Variants in CHD2 observed in about 807,000 individuals in gnomAD.
CHD2 encodes the protein chromodomain helicase DNA binding protein 2.
Under a neutral mutation model 243.9 loss-of-function variants are expected in CHD2, and 28 were observed. That is an observed-to-expected ratio of 0.11 (90% CI 0.09 to 0.16). The LOEUF is 0.16. Among genes scored for constraint, CHD2 ranks in the 10% least tolerant of loss-of-function variants. The pLI is 1.00. For missense variants in CHD2, 1,386 were observed against 2,209.8 expected (o/e 0.63, Z 7.47); for synonymous variants, 775 against 779.0 (o/e 0.99, Z 0.09).
intron 25 of CHD2, 29 bp downstream of exon 25, chr15:92,984,529 T>C: frequency 4.5e-6 from 7 of 1,559,568 alleles, no homozygotes; most frequent in South Asian, 1.2e-5. Flanking sequence ...AGATATGAAA[T>C]TATTTCTTAT....
intron 6 of CHD2, among the ~76,000 whole-genome samples, chr15:92,938,840 C>T (rs962156918): frequency 6.6e-6 from 1 of 152,190 alleles, no homozygotes; most frequent in Non-Finnish European, 1.5e-5. Flanking sequence ...TCCTGGCCAT[C>T]TCCCTGGTCT....
chr15:92,941,660 G>GA (rs200999574), intron 7 of CHD2, among the ~76,000 whole-genome samples, 162 bp from the exon 8 acceptor site: 1 of 151,754 alleles, frequency 6.6e-6, no homozygotes, highest in Non-Finnish European at 1.5e-5. Flanking sequence ...AGCACTTTAG[G>GA]AAAAAAAAGT....
At chr15:92,940,138 T>C (rs1367566850) in intron 7 of CHD2, among the ~76,000 whole-genome samples, 1 of 152,214 alleles carries the variant, frequency 6.6e-6, no homozygotes, top group African/African-American at 2.4e-5. Context: ...TAATAGGATA[T>C]GAAGCATTAA....
intron 16 of CHD2, among the ~76,000 whole-genome samples, chr15:92,960,148 T>C (rs2053666475): frequency 6.6e-6 from 1 of 152,204 alleles, no homozygotes; most frequent in Non-Finnish European, 1.5e-5. Flanking sequence ...TATAACCTAT[T>C]ATAGAACTAC....
intron 2 of CHD2, among the ~76,000 whole-genome samples, chr15:92,910,400 T>C (rs1023343357): frequency 1.3e-5 from 2 of 152,154 alleles, no homozygotes; most frequent in Non-Finnish European, 2.9e-5. Flanking sequence ...GCTGATCTTA[T>C]TTATTTTTTT....
chr15:92,966,066 CTTT>C (rs533059554), intron 16 of CHD2, among the ~76,000 whole-genome samples: 2 of 132,910 alleles, frequency 1.5e-5, no homozygotes, highest in Non-Finnish European at 1.6e-5. Context: ...TTTTTCTTTT[CTTT>C]TTTTTTTTTT....
intron 38 of CHD2, 90 bp downstream of exon 38, chr15:93,020,348 T>C (rs2054518765): frequency 1.3e-6 from 2 of 1,489,580 alleles, no homozygotes; most frequent in Non-Finnish European, 1.9e-6. Context: ...TGTATTTATC[T>C]ATCAAATTAC....
chr15:92,972,114 A>G (rs2053849235), intron 18 of CHD2, 151 bp from the exon 19 acceptor site: 5 of 1,018,942 alleles, frequency 4.9e-6, no homozygotes, highest in Non-Finnish European at 7.1e-6. Flanking sequence ...AGATACTGGG[A>G]AAAAGAACAT....
chr15:92,914,454 AGTT>A (rs748840049), intron 2 of CHD2, among the ~76,000 whole-genome samples: 7 of 152,332 alleles, frequency 4.6e-5, no homozygotes, highest in Non-Finnish European at 8.8e-5. Flanking sequence ...GGGTGCTAAT[AGTT>A]TGGTGCTATG....
chr15:92,949,727 T>C (rs2141804171), intron 13 of CHD2, among the ~76,000 whole-genome samples: 1 of 152,344 alleles, frequency 6.6e-6, no homozygotes, highest in Admixed American at 6.5e-5. Context: ...AATTACTAAG[T>C]GCTAGGTGTT....
chr15:92,973,140 G>A (rs2053864444), intron 19 of CHD2, among the ~76,000 whole-genome samples: 1 of 152,184 alleles, frequency 6.6e-6, no homozygotes, highest in African/African-American at 2.4e-5. Context: ...GACCCTGGCT[G>A]TGAGGCTGGG....
intron 28 of CHD2, among the ~76,000 whole-genome samples, chr15:92,993,440 C>T (rs1170073727): frequency 2.6e-5 from 4 of 152,232 alleles, no homozygotes; most frequent in Non-Finnish European, 4.4e-5. Context: ...GGATGAGTAT[C>T]GTAAACATTT....
Position 92,944,535 on chromosome 15 carries a change from C to T in CHD2, c.1153+20C>T, listed in dbSNP as rs749813610. ...TAATAGGTAAGTACATGGTAACTCA[C>T]TTCAGCCATATTTGAACTTGAGGAA... On this transcript the variant is annotated intron_variant, in intron 10 of 38. Coordinates refer to ENST00000394196, the MANE Select transcript of CHD2 (RefSeq NM_001271.4). The T allele has an allele frequency of 2.4e-6, 3 of 1,268,166 alleles. No homozygotes were observed. Among genetic ancestry groups the T allele is most frequent in the East Asian group, 2.4e-5 (1 of 41,872 alleles). 78.6% of individuals were successfully genotyped at this position (1,268,166 alleles called of 1,614,324 possible).
intron 21 of CHD2, among the ~76,000 whole-genome samples, 154 bp from the exon 22 acceptor site, chr15:92,978,981 G>C (rs554904761): frequency 1.3e-5 from 2 of 152,194 alleles, no homozygotes; most frequent in East Asian, 3.9e-4. Flanking sequence ...TACTTAAGCT[G>C]CCTGCTTGGA....
At chr15:93,003,170 A>G (rs1293603406) in intron 33 of CHD2, among the ~76,000 whole-genome samples, 4 of 152,030 alleles carry the variant, frequency 2.6e-5, no homozygotes, top group Non-Finnish European at 2.9e-5. Context: ...CTACGGGCCC[A>G]GTTGCATGGG....
chr15:92,909,877 C>A (rs2052696309), intron 2 of CHD2, among the ~76,000 whole-genome samples: 1 of 151,724 alleles, frequency 6.6e-6, no homozygotes, highest in African/African-American at 2.4e-5. Flanking sequence ...TAGAAAAATA[C>A]CAAAGTAGAT....
intron 5 of CHD2, among the ~76,000 whole-genome samples, chr15:92,934,844 T>A (rs2053236777): frequency 6.6e-6 from 1 of 152,128 alleles, no homozygotes; most frequent in Non-Finnish European, 1.5e-5. Context: ...TTTCAAATAC[T>A]CCCAGGACGT....
intron 2 of CHD2, among the ~76,000 whole-genome samples, chr15:92,913,513 A>AT (rs2052779953): frequency 6.6e-6 from 1 of 152,152 alleles, no homozygotes; most frequent in African/African-American, 2.4e-5. Context: ...AAGAGTGTGT[A>AT]TGAGACAGCT....
intron 38 of CHD2, chr15:93,021,824 C>T (rs1052237742): frequency 5.3e-5 from 8 of 152,174 alleles, no homozygotes; most frequent in African/African-American, 1.9e-4. Context: ...TCAGTTGATA[C>T]CTCCTCACTG....
Sources: allele counts gnomAD v4.1 joint callset (sites outside exome capture counted in the v4.1 genomes callset), GRCh38; gene constraint gnomAD v4.1.1; transcripts MANE v1.5; gene names NCBI Gene and HGNC (gene_info 2026-07-23, HGNC 2026-07-21).